MRNIP: variants seen among roughly 807,000 people sequenced by gnomAD.
The protein encoded by MRNIP is MRN complex-interacting protein.
A neutral mutation model predicts 29.8 loss-of-function variants in MRNIP; 30 were observed. That is an observed-to-expected ratio of 1.01 (90% CI 0.75 to 1.36). MRNIP has a LOEUF of 1.36. Among genes scored for constraint, MRNIP ranks in the 40% most tolerant of loss-of-function variants. The pLI, the probability that MRNIP is intolerant of heterozygous loss-of-function variation, is 0.00. For synonymous variants in MRNIP, 201 were observed against 164.1 expected (o/e 1.23, Z -1.72); for missense variants, 459 against 423.5 (o/e 1.08, Z -0.74).
At position 179,853,366 on chromosome 5, in the gene MRNIP, T is replaced by G. The variant is rs1038374686; in HGVS notation, c.126+12A>C. The G allele has an allele frequency of 1.9e-6, 3 of 1,612,838 alleles. No homozygotes were observed. The highest frequency in any genetic ancestry group is 2.5e-6 in the Non-Finnish European group (3 of 1,179,376). On this transcript the variant is annotated intron_variant, in intron 2 of 6. Coordinates refer to ENST00000292586, the MANE Select transcript of MRNIP (RefSeq NM_016175.4). ...CCTGCGCCCCACTTGCTTTCTGTTT[T>G]GTAGGACTCACCTGCAAAAAGGACT...
chr5:179,839,808 C>T lies in MRNIP; in HGVS notation c.537+1064G>A, dbSNP rs931315662. 2.2e-4 allele frequency: 34 copies of T among 152,488 alleles called. 1 individual carries two copies. Among genetic ancestry groups the T allele is most frequent in the African/African-American group, 7.7e-4 (32 of 41,556 alleles). The allele number at this position is 152,488 out of a possible 1,614,324, so 9.4% of individuals were successfully genotyped here. ...CCTGCACTCTGCAGCACTGGATATG[C>T]GGTGGGGCCTGCTGGACTGGAAGCT... On this transcript the variant is annotated intron_variant, in intron 6 of 6. Coordinates refer to ENST00000292586, the MANE Select transcript of MRNIP (RefSeq NM_016175.4).
chr5:179,854,004 G>A (rs1759483734), intron 1 of MRNIP, among the ~76,000 whole-genome samples: 1 of 147,712 alleles, frequency 6.8e-6, no homozygotes, highest in South Asian at 2.1e-4. Flanking sequence ...GAGCCACCAT[G>A]CCTGGCCTGA....
chr5:179,851,984 AT>A (rs1484754325), intron 2 of MRNIP, among the ~76,000 whole-genome samples: 2 of 151,872 alleles, frequency 1.3e-5, no homozygotes, highest in Non-Finnish European at 2.9e-5. Context: ...CTAAAAAAAA[AT>A]AAAAAAATAA....
chr5:179,851,275 A>T (rs773640622), intron 2 of MRNIP: 3 of 455,904 alleles, frequency 6.6e-6, no homozygotes, highest in Non-Finnish European at 1.3e-5. Context: ...CTGAGACCCA[A>T]TCCCAGTTGA....
rs376545107 is a variant in MRNIP, at chr5:179,853,468, A to G, written c.67-31T>C. 25 of 1,574,836 alleles carry G rather than the reference A, an allele frequency of 1.6e-5. No individual in the cohort carries two copies. The Admixed American group carries it at 2.2e-4, about 14-fold the overall frequency. ...ATGAAATTTCAGAAATACAACTCAG[A>G]TAATTATTTAAAACAAAATGGAATT... On this transcript the variant is annotated intron_variant, in intron 1 of 6. Transcript: ENST00000292586.
chr5:179,846,780 T>C (rs1047893287), intron 3 of MRNIP, among the ~76,000 whole-genome samples: 8 of 152,180 alleles, frequency 5.3e-5, no homozygotes, highest in Non-Finnish European at 7.3e-5. Context: ...TCTTCAGCCA[T>C]TGCCAAGGTC....
chr5:179,849,652 T>C (rs1392840511), intron 2 of MRNIP, among the ~76,000 whole-genome samples: 2 of 140,312 alleles, frequency 1.4e-5, no homozygotes, highest in Admixed American at 7.0e-5. Flanking sequence ...TGGTAAGAGA[T>C]GGAATTTGTG....
intron 2 of MRNIP, among the ~76,000 whole-genome samples, chr5:179,852,722 A>G (rs1206883759): frequency 6.6e-6 from 1 of 152,192 alleles, no homozygotes. Context: ...TGAGAGGTGA[A>G]GGGAGAGGTG....
chr5:179,843,747 A>AC (rs1554093201), intron 4 of MRNIP, among the ~76,000 whole-genome samples: 66 of 152,164 alleles, frequency 4.3e-4, no homozygotes, highest in African/African-American at 1.5e-3. Context: ...TTCAGAGAAA[A>AC]AAAACAAAAC....
At chr5:179,849,148 A>G (rs1284014660) in intron 2 of MRNIP, among the ~76,000 whole-genome samples, 7 of 121,938 alleles carry the variant, frequency 5.7e-5, no homozygotes, top group African/African-American at 1.3e-4. Flanking sequence ...CAGATGGTAC[A>G]AGACGGAATT....
At chr5:179,843,067 G>A (rs55790656) in intron 4 of MRNIP, among the ~76,000 whole-genome samples, 1,898 of 117,134 alleles carry the variant, frequency 0.016, 29 homozygotes, top group East Asian at 0.083. Flanking sequence ...GGAAGGGAGG[G>A]AGGGAGGGAG....
Position 179,837,284 on chromosome 5 carries a change from A to G in MRNIP, c.*107T>C, listed in dbSNP as rs542177571. The G allele has an allele frequency of 3.1e-6, 5 of 1,607,764 alleles. No homozygotes were observed. The highest frequency in any genetic ancestry group is 2.2e-5 in the East Asian group (1 of 44,868). The stretch of plus-strand genomic sequence containing the variant: ...GTTTGCATAGAGAGAAATGATTGAC[A>G]GTAAGTTTATTGTTAATGGTTCTTA... On this transcript the variant is annotated 3_prime_UTR_variant, in exon 7 of 7. Coordinates refer to ENST00000292586, the MANE Select transcript of MRNIP (RefSeq NM_016175.4).
At position 179,848,045 on chromosome 5, in the gene MRNIP, C is replaced by T; in HGVS notation, c.148G>A (p.Ala50Thr). 6.2e-7 allele frequency: 1 copy of T among 1,613,948 alleles called. No individual in the cohort carries two copies. Among genetic ancestry groups the T allele is most frequent in the Non-Finnish European group, 8.5e-7 (1 of 1,179,812 alleles). ...FLQAYGEGSG[A>T]DCRRHVQKLN... ...TTTTGGACATGGCGTCTACAATCAG[C>T]ACCAGAGCCTTCACCATAAGCCTGA... The change falls in exon 3 of 7, where the codon GCT becomes ACT. Residue 50 changes from alanine (A) to threonine (T), a missense_variant. By Grantham distance (58) the Ala-to-Thr change is moderately conservative. Coordinates refer to ENST00000292586, the MANE Select transcript of MRNIP (RefSeq NM_016175.4).
rs1758887051 is a variant in MRNIP at position 179,841,735 on chromosome 5, C to G, written c.449+172G>C. 8.7e-6 allele frequency: 6 copies of G among 687,390 alleles called. No individual in the cohort carries two copies. The East Asian group carries it at 1.6e-4, about 18-fold the overall frequency. The allele number at this position is 687,390 out of a possible 1,614,324, so 42.6% of individuals were successfully genotyped here. On this transcript the variant is annotated intron_variant, in intron 5 of 6. Coordinates refer to ENST00000292586, the MANE Select transcript of MRNIP (RefSeq NM_016175.4). ...CCTCTGCACCAGCAGTGCCCAATGC[C>G]CAGGTGGGCTGTGGGGCCAGCAGTG...
Position 179,840,869 on chromosome 5 carries a change from G to A in MRNIP, c.537+3C>T. 6.2e-7 allele frequency: 1 copy of A among 1,602,574 alleles called. No individual in the cohort carries two copies. The highest frequency in any genetic ancestry group is 8.5e-7 in the Non-Finnish European group (1 of 1,171,728). On this transcript the variant is annotated splice_donor_region_variant and intron_variant, in intron 6 of 6. Coordinates refer to ENST00000292586, the MANE Select transcript of MRNIP (RefSeq NM_016175.4). ...GACCAGAGAGAAACTGTTTGTCACT[G>A]ACCTTCTGGGGTCCCCAGGCGACCT...
At chr5:179,844,481 G>C (rs1759046134) in intron 3 of MRNIP, among the ~76,000 whole-genome samples, 1 of 152,194 alleles carries the variant, frequency 6.6e-6, no homozygotes, top group African/African-American at 2.4e-5. Flanking sequence ...GGAATCACAT[G>C]ACAATGGAGA....
In MRNIP at chr5:179,853,517, C is replaced by G; in HGVS notation, c.67-80G>C. ...TTGGGCTGGACTCGGTGGCTCATGC[C>G]TGTAATCCCCCTTTGGGAGGCCGAG... is the stretch of plus-strand genomic sequence containing the variant. On this transcript the variant is annotated intron_variant, in intron 1 of 6. Transcript: ENST00000292586. 5.9e-6 allele frequency: 7 copies of G among 1,182,754 alleles called. No individual in the cohort carries two copies. The South Asian group carries it at 8.0e-5, about 14-fold the overall frequency. 73.3% of individuals were successfully genotyped at this position (1,182,754 alleles called of 1,614,324 possible).
chr5:179,844,706 G>A (rs57322113), intron 3 of MRNIP, among the ~76,000 whole-genome samples: 10,439 of 152,126 alleles, frequency 0.069, 680 homozygotes, highest in African/African-American at 0.17. Context: ...GATTACAAGC[G>A]TGAAGTACGC....
At chr5:179,850,053 G>A (rs943160802) in intron 2 of MRNIP, among the ~76,000 whole-genome samples, 1 of 150,460 alleles carries the variant, frequency 6.6e-6, no homozygotes, top group African/African-American at 2.4e-5. Context: ...GGTACGAGAC[G>A]GGATTTGAGA....
Sources: allele counts gnomAD v4.1 joint callset (sites outside exome capture counted in the v4.1 genomes callset), GRCh38; gene constraint gnomAD v4.1.1; transcripts MANE v1.5; gene names NCBI Gene and HGNC (gene_info 2026-07-23, HGNC 2026-07-21).